PDE10A: variants seen among roughly 807,000 people sequenced by gnomAD.
PDE10A encodes the protein phosphodiesterase 10A.
In PDE10A, 39 loss-of-function variants were observed where a neutral mutation model predicts 97.7. The ratio of observed to expected loss-of-function variants is 0.40; its 90% confidence interval spans 0.31 to 0.52. The LOEUF is 0.52. Ranked by LOEUF, PDE10A falls within the 20% of genes least tolerant of loss-of-function variation. The pLI is 0.56. For synonymous variants in PDE10A, 371 were observed against 376.8 expected (o/e 0.98, Z 0.18); for missense variants, 731 against 1,047.8 (o/e 0.70, Z 4.17).
At chr6:165,803,156 T>C (rs1227260352) in intron 1 of PDE10A, among the ~76,000 whole-genome samples, 1 of 152,222 alleles carries the variant, frequency 6.6e-6, no homozygotes, top group African/African-American at 2.4e-5. Flanking sequence ...TAATTTTTAT[T>C]GTGCCTCTGG....
intron 16 of PDE10A, among the ~76,000 whole-genome samples, chr6:165,390,834 C>A (rs1333141184): frequency 1.3e-5 from 2 of 152,190 alleles, no homozygotes; most frequent in South Asian, 4.1e-4. Context: ...GAAGGGAAAT[C>A]TCGCCAGTAA....
intron 1 of PDE10A, among the ~76,000 whole-genome samples, chr6:165,983,544 G>A (rs1270742388): frequency 6.6e-6 from 1 of 152,152 alleles, no homozygotes; most frequent in African/African-American, 2.4e-5. Context: ...GCCTGCCAAC[G>A]TGCCATCTTA....
At chr6:165,411,283 G>A (rs958014714) in intron 13 of PDE10A, among the ~76,000 whole-genome samples, 12 of 151,790 alleles carry the variant, frequency 7.9e-5, no homozygotes, top group Non-Finnish European at 1.5e-4. Flanking sequence ...ATGTATTAAA[G>A]CCTAAGCCCC....
chr6:165,890,006 A>C (rs112504787), intron 1 of PDE10A, among the ~76,000 whole-genome samples: 122 of 22,986 alleles, frequency 5.3e-3, no homozygotes, highest in Non-Finnish European at 6.3e-3. Context: ...TCCCTCCCTC[A>C]CTCCTCACTC....
intron 1 of PDE10A, among the ~76,000 whole-genome samples, chr6:165,788,837 A>T (rs1037652755): frequency 1.3e-5 from 2 of 152,156 alleles, no homozygotes; most frequent in Non-Finnish European, 2.9e-5. Context: ...TGAATGAGGG[A>T]GAAAACCTAA....
chr6:165,563,562 T>C (rs1458285180), intron 1 of PDE10A, among the ~76,000 whole-genome samples: 3 of 151,960 alleles, frequency 2.0e-5, no homozygotes, highest in African/African-American at 7.3e-5. Flanking sequence ...GAATTAAACA[T>C]AATATATGCA....
At chr6:165,502,903 G>T (rs1252118354) in intron 2 of PDE10A, among the ~76,000 whole-genome samples, 1 of 152,208 alleles carries the variant, frequency 6.6e-6, no homozygotes, top group Non-Finnish European at 1.5e-5. Flanking sequence ...TGAGATGACA[G>T]AAACGTTGAT....
chr6:165,541,778 G>C (rs188632071), intron 2 of PDE10A, among the ~76,000 whole-genome samples: 32 of 152,246 alleles, frequency 2.1e-4, no homozygotes, highest in Admixed American at 1.8e-3. Context: ...AGATTGAGAA[G>C]ACAATGCCTG....
intron 1 of PDE10A, among the ~76,000 whole-genome samples, chr6:165,644,470 C>T (rs1789295079): frequency 6.6e-6 from 1 of 152,184 alleles, no homozygotes; most frequent in South Asian, 2.1e-4. Context: ...GAGAAACCAC[C>T]AGCACCTTTC....
At chr6:165,752,811 G>A (rs1468522612) in intron 1 of PDE10A, among the ~76,000 whole-genome samples, 5 of 152,188 alleles carry the variant, frequency 3.3e-5, no homozygotes, top group South Asian at 4.1e-4. Flanking sequence ...AGAAGGAAAC[G>A]CTATGCAGAG....
chr6:165,987,534 A>G (rs1311128288), exon 1 of PDE10A: 2 of 366,954 alleles, frequency 5.5e-6, no homozygotes, highest in Non-Finnish European at 1.1e-5. Context: ...CTTACCCGCC[A>G]AAGTATGCTG....
chr6:165,426,971 T>C lies in PDE10A; in HGVS notation c.1653+1687A>G, dbSNP rs570306187. Reference sequence around the variant, plus strand: ...TGAAAAAGTCAGATAATAGTAAGTGTTGGTGAGGATGTGGAGAAATCAGAA... The same window carrying C: ...TGAAAAAGTCAGATAATAGTAAGTGCTGGTGAGGATGTGGAGAAATCAGAA... On this transcript the variant is annotated intron_variant, in intron 10 of 21. Coordinates refer to ENST00000539869, the MANE Select transcript of PDE10A (RefSeq NM_001385079.1). Among the ~76,000 whole-genome samples the C allele has an allele frequency of 7.2e-5, 11 of 152,134 alleles. No individual in the cohort carries two copies. The South Asian group carries it at 2.1e-3, about 29-fold the overall frequency.
intron 1 of PDE10A, among the ~76,000 whole-genome samples, chr6:165,911,604 C>T (rs991669134): frequency 2.0e-5 from 3 of 152,222 alleles, no homozygotes; most frequent in Non-Finnish European, 4.4e-5. Context: ...CCGAAAAGGG[C>T]AGCACACCCT....
rs749403215 is a variant in PDE10A, at chr6:165,336,174, G to C, written c.3014C>G (p.Thr1005Arg). Residue 1005 changes from threonine to arginine, a missense_variant, in exon 21 of 22, where the codon ACA becomes AGA. Transcript: ENST00000539869. Reference sequence around the variant, plus strand: ...GGGAGGGAGGATCTGGGTAAGGGTTGTATAGCAGGGAATGGCCACGGCATT... The same window carrying C: ...GGGAGGGAGGATCTGGGTAAGGGTTCTATAGCAGGGAATGGCCACGGCATT... The part of the protein sequence containing the change: ...FYNAVAIPCY[T>R]TLTQILPPTE... 1 of 1,613,940 alleles carries C rather than the reference G, an allele frequency of 6.2e-7. No homozygotes were observed. Among genetic ancestry groups the C allele is most frequent in the African/African-American group, 1.3e-5 (1 of 74,928 alleles).
chr6:165,525,164 A>ATG lies in PDE10A; in HGVS notation c.994+18274_994+18275dup, dbSNP rs1782358460. On this transcript the variant is annotated intron_variant, in intron 2 of 21. Coordinates refer to ENST00000539869, the MANE Select transcript of PDE10A (RefSeq NM_001385079.1). ...AGAGGTAAAGTTGAGAGTGTGACCC[A>ATG]TGAGGAGGTGCACTACACTTGAACT... Among the ~76,000 whole-genome samples the ATG allele has an allele frequency of 2.6e-5, 4 of 152,288 alleles. No individual in the cohort carries two copies. In the South Asian group the frequency reaches 8.3e-4, roughly 32 times the overall value.
At chr6:165,683,253 CA>C (rs1238522067) in intron 1 of PDE10A, among the ~76,000 whole-genome samples, 1 of 152,038 alleles carries the variant, frequency 6.6e-6, no homozygotes, top group African/African-American at 2.4e-5. Flanking sequence ...ACAGCATGGG[CA>C]AAAAGAACAC....
chr6:165,375,816 C>T (rs1379569734), intron 18 of PDE10A, among the ~76,000 whole-genome samples: 1 of 152,150 alleles, frequency 6.6e-6, no homozygotes, highest in African/African-American at 2.4e-5. Flanking sequence ...TATGCTAAGT[C>T]AATTCTGTCT....
chr6:165,916,764 C>A (rs1038290284), intron 1 of PDE10A, among the ~76,000 whole-genome samples: 1 of 152,162 alleles, frequency 6.6e-6, no homozygotes, highest in Non-Finnish European at 1.5e-5. Context: ...TCAGCAATGA[C>A]CAACAATTCT....
chr6:165,479,295 G>T (rs1388801635), intron 3 of PDE10A, among the ~76,000 whole-genome samples: 1 of 152,028 alleles, frequency 6.6e-6, no homozygotes, highest in Admixed American at 6.6e-5. Flanking sequence ...CACTCTTACT[G>T]TGTATACTCT....
Sources: allele counts gnomAD v4.1 joint callset (sites outside exome capture counted in the v4.1 genomes callset), GRCh38; gene constraint gnomAD v4.1.1; transcripts MANE v1.5; gene names NCBI Gene and HGNC (gene_info 2026-07-23, HGNC 2026-07-21).